Variants in ZNF521 observed in about 807,000 individuals in gnomAD.
The protein encoded by ZNF521 is LYST-interacting protein 3.
Under a neutral mutation model 105.5 loss-of-function variants are expected in ZNF521, and 14 were observed. The ratio of observed to expected loss-of-function variants is 0.13; its 90% CI spans 0.09 to 0.21. The LOEUF is 0.21. Ranked by LOEUF, ZNF521 falls within the 10% of genes least tolerant of loss-of-function variation. The pLI is 1.00. For missense variants in ZNF521, 1,233 were observed against 1,629.7 expected, an observed-to-expected ratio of 0.76 and a Z score of 4.19; for synonymous variants, 635 against 606.0, an observed-to-expected ratio of 1.05 and a Z score of -0.70.
At chr18:25,229,673 G>A (rs1906412150) in intron 3 of ZNF521, among the ~76,000 whole-genome samples, 1 of 151,670 alleles carries the variant, frequency 6.6e-6, no homozygotes, top group South Asian at 2.1e-4. Flanking sequence ...GAAAAAAAAG[G>A]CCATCTATTA....
At chr18:25,282,110 G>C (rs1010084180) in intron 3 of ZNF521, among the ~76,000 whole-genome samples, 1 of 152,070 alleles carries the variant, frequency 6.6e-6, no homozygotes, top group Non-Finnish European at 1.5e-5. Flanking sequence ...AAGAATCCAA[G>C]GGTTCCAAAA....
Position 25,350,954 on chromosome 18 carries a change from G to T in ZNF521, c.-1-7C>A. The T allele has an allele frequency of 6.5e-7, 1 of 1,547,134 alleles. No homozygotes were observed. The highest frequency in any genetic ancestry group is 8.7e-7 in the Non-Finnish European group (1 of 1,144,794). On this transcript the variant is annotated splice_region_variant and splice_polypyrimidine_tract_variant and intron_variant, in intron 1 of 7. Transcript: ENST00000361524. The stretch of plus-strand genomic sequence containing the variant: ...TTGCTTGCGGCGAGACATCCTAAAA[G>T]CAAACAGCTGAAGTTGTTTCAATTC...
intron 7 of ZNF521, among the ~76,000 whole-genome samples, chr18:25,077,481 C>T (rs2033389899): frequency 6.6e-6 from 1 of 152,120 alleles, no homozygotes; most frequent in Non-Finnish European, 1.5e-5. Context: ...GCCACATCCG[C>T]GTGCCCCCCA....
chr18:25,222,164 C>T (rs1456316204), intron 4 of ZNF521, among the ~76,000 whole-genome samples: 1 of 152,036 alleles, frequency 6.6e-6, no homozygotes, highest in East Asian at 1.9e-4. Flanking sequence ...TCATTTTTGA[C>T]CCTTAGTCAT....
rs555445565 is a variant in ZNF521 at position 25,246,789 on chromosome 18, C to T, written c.221-19092G>A. On this transcript the variant is annotated intron_variant, in intron 3 of 7. Transcript: ENST00000361524. ...TTCAATTATTATTGATGTTTTCTCT[C>T]TTCCCTTTGTCACCTCTCTTGCCCA... Among the ~76,000 whole-genome samples the T allele has an allele frequency of 3.5e-3, 527 of 152,318 alleles. 2 individuals are homozygous for T. Among genetic ancestry groups the T allele is most frequent in the Non-Finnish European group, 6.4e-3 (435 of 68,028 alleles).
chr18:25,283,529 A>G lies in ZNF521; in HGVS notation c.220+38479T>C, dbSNP rs574047926. ...CAAGAACATTAGTTTAAAAACACCA[A>G]CTATACCCCCTCCAAGTTTATGTGT... On this transcript the variant is annotated intron_variant, in intron 3 of 7. Transcript: ENST00000361524. Among the ~76,000 whole-genome samples, 16 of 152,312 alleles carry G rather than the reference A, an allele frequency of 1.1e-4. No homozygotes were observed. In the South Asian group the frequency reaches 1.4e-3, roughly 14 times the overall value.
At chr18:25,244,468 A>T (rs889054541) in intron 3 of ZNF521, among the ~76,000 whole-genome samples, 2 of 151,894 alleles carry the variant, frequency 1.3e-5, no homozygotes, top group South Asian at 4.2e-4. Flanking sequence ...CCAGTCTGCC[A>T]CTCCTCCTGT....
intron 4 of ZNF521, among the ~76,000 whole-genome samples, chr18:25,210,081 AATAC>A (rs1204646405): frequency 2.0e-5 from 3 of 152,182 alleles, no homozygotes; most frequent in Non-Finnish European, 2.9e-5. Context: ...ATGTATACAT[AATAC>A]ATACATAATA....
chr18:25,126,941 T>C (rs1332745411), intron 5 of ZNF521, among the ~76,000 whole-genome samples: 1 of 152,080 alleles, frequency 6.6e-6, no homozygotes, highest in Non-Finnish European at 1.5e-5. Flanking sequence ...GTTTATTCAT[T>C]TGGGCCAAGT....
chr18:25,120,928 C>A (rs2034427856), intron 5 of ZNF521, among the ~76,000 whole-genome samples: 1 of 152,052 alleles, frequency 6.6e-6, no homozygotes, highest in South Asian at 2.1e-4. Context: ...ACCTGCTGTT[C>A]AGGAAGGTGG....
intron 3 of ZNF521, among the ~76,000 whole-genome samples, chr18:25,231,909 T>G (rs184339150): frequency 6.6e-6 from 1 of 152,310 alleles, no homozygotes; most frequent in Non-Finnish European, 1.5e-5. Flanking sequence ...TCTCTGAAGT[T>G]ATGGAAACTT....
chr18:25,286,459 T>C (rs968954206), intron 3 of ZNF521, among the ~76,000 whole-genome samples: 2 of 152,306 alleles, frequency 1.3e-5, no homozygotes, highest in South Asian at 2.1e-4. Flanking sequence ...CTTCCAGCCC[T>C]ACCTACCACC....
At chr18:25,077,211 C>T (rs2033382522) in intron 7 of ZNF521, among the ~76,000 whole-genome samples, 2 of 152,166 alleles carry the variant, frequency 1.3e-5, no homozygotes, top group African/African-American at 2.4e-5. Context: ...CAAGGAAAGC[C>T]TACACAGCAA....
At chr18:25,068,486 C>T (rs1007515751) in intron 7 of ZNF521, among the ~76,000 whole-genome samples, 1 of 151,896 alleles carries the variant, frequency 6.6e-6, no homozygotes, top group Admixed American at 6.6e-5. Flanking sequence ...CCTTTAAGCA[C>T]TATTGCTTTT....
At chr18:25,224,135 T>A (rs1905926163) in intron 4 of ZNF521, 1 of 568,150 alleles carries the variant, frequency 1.8e-6, no homozygotes, top group South Asian at 2.2e-5. Context: ...CTGGAATTAG[T>A]CCTATTTTGC....
At chr18:25,205,969 GA>G (rs988996909) in intron 4 of ZNF521, among the ~76,000 whole-genome samples, 33 of 151,926 alleles carry the variant, frequency 2.2e-4, no homozygotes, top group African/African-American at 7.7e-4. Flanking sequence ...AGGCTAGGTA[GA>G]AGGCTCTGTC....
At chr18:25,329,969 G>A (rs979995293) in intron 2 of ZNF521, among the ~76,000 whole-genome samples, 2 of 152,126 alleles carry the variant, frequency 1.3e-5, no homozygotes, top group African/African-American at 4.8e-5. Context: ...GGTGAAGAGA[G>A]GAAAGTGGAG....
intron 5 of ZNF521, among the ~76,000 whole-genome samples, chr18:25,148,495 C>T (rs2034987644): frequency 1.3e-5 from 2 of 152,114 alleles, no homozygotes; most frequent in African/African-American, 4.8e-5. Context: ...TCTTCTTTCC[C>T]TCCATTCCTC....
intron 5 of ZNF521, among the ~76,000 whole-genome samples, chr18:25,162,811 C>T (rs1387225656): frequency 6.6e-6 from 1 of 151,992 alleles, no homozygotes; most frequent in Non-Finnish European, 1.5e-5. Context: ...GAACAAGACA[C>T]TTACAATTTA....
Sources: gnomAD v4.1 joint callset for allele counts (sites outside exome capture counted in the v4.1 genomes callset) on GRCh38, gnomAD v4.1.1 for gene constraint, MANE v1.5 for transcripts, NCBI Gene and HGNC (gene_info 2026-07-23, HGNC 2026-07-21) for gene names.